The following MAGI2 variants were observed in gnomAD, a reference collection of about 807,000 sequenced individuals.
MAGI2 encodes membrane-associated guanylate kinase, WW and PDZ domain-containing protein 2.
In MAGI2, 35 loss-of-function variants were observed where a neutral mutation model predicts 133.3. The ratio of observed to expected loss-of-function variants is 0.26; its 90% CI spans 0.20 to 0.35. MAGI2 has a LOEUF of 0.35. Among genes scored for constraint, MAGI2 ranks in the 10% least tolerant of loss-of-function variants. The pLI is 1.00. For missense variants in MAGI2, 1,636 were observed against 1,863.4 expected, an observed-to-expected ratio of 0.88 and a Z score of 2.25; for synonymous variants, 729 against 710.6, an observed-to-expected ratio of 1.03 and a Z score of -0.41.
intron 1 of MAGI2, among the ~76,000 whole-genome samples, chr7:79,396,698 T>A (rs978645971): frequency 6.6e-6 from 1 of 152,008 alleles, no homozygotes; most frequent in Non-Finnish European, 1.5e-5. Context: ...AAAACTAAAC[T>A]CTCTGACACT....
At chr7:78,583,192 A>C (rs1442721600) in intron 3 of MAGI2, among the ~76,000 whole-genome samples, 2 of 152,188 alleles carry the variant, frequency 1.3e-5, no homozygotes, top group African/African-American at 4.8e-5. Context: ...TGACAGAGTA[A>C]ACATAAGCCT....
At chr7:79,028,801 C>T (rs1489711750) in intron 1 of MAGI2, among the ~76,000 whole-genome samples, 17 of 152,024 alleles carry the variant, frequency 1.1e-4, no homozygotes. Flanking sequence ...AGGGCTCAGA[C>T]ATTACTATAT....
chr7:78,313,370 T>C (rs1798884211), intron 9 of MAGI2, among the ~76,000 whole-genome samples: 1 of 152,034 alleles, frequency 6.6e-6, no homozygotes, highest in African/African-American at 2.4e-5. Flanking sequence ...AATTTCATCT[T>C]GGAGGAAAAA....
At chr7:79,324,711 ATATGTATATAAAATATATATATAT>A (rs1839548471) in intron 1 of MAGI2, among the ~76,000 whole-genome samples, 1 of 35,162 alleles carries the variant, frequency 2.8e-5, no homozygotes, top group African/African-American at 9.6e-5. Flanking sequence ...TATATATTAT[ATATGTATATAAAATATATATATAT>A]TATATATATA....
In MAGI2 at chr7:78,894,545, T is replaced by C. The variant is rs143013983; in HGVS notation, c.418+112545A>G. Among the ~76,000 whole-genome samples, 121 of 152,356 alleles carry C rather than the reference T, an allele frequency of 7.9e-4. 1 individual carries two copies. The highest frequency in any genetic ancestry group is 2.8e-3 in the African/African-American group (115 of 41,572). ...TATCTGTAAAACTGATGTCAAAGTT[T>C]ATAAGAATGATTAATGGTAACACAA... On this transcript the variant is annotated intron_variant, in intron 2 of 21. Coordinates refer to ENST00000354212, the MANE Select transcript of MAGI2 (RefSeq NM_012301.4).
chr7:79,052,086 A>G (rs1812725035), intron 1 of MAGI2, among the ~76,000 whole-genome samples: 2 of 152,196 alleles, frequency 1.3e-5, no homozygotes, highest in South Asian at 4.1e-4. Flanking sequence ...GAATGTGAGA[A>G]GCCAGAAAAA....
chr7:78,929,636 A>G (rs1203485639), intron 2 of MAGI2, among the ~76,000 whole-genome samples: 1 of 151,934 alleles, frequency 6.6e-6, no homozygotes, highest in Non-Finnish European at 1.5e-5. Context: ...TGCTTCCATC[A>G]TCACGTAGGC....
At chr7:78,745,945 G>A (rs1260947995) in intron 2 of MAGI2, among the ~76,000 whole-genome samples, 5 of 152,088 alleles carry the variant, frequency 3.3e-5, no homozygotes, top group East Asian at 1.9e-4. Flanking sequence ...AGAAAATACT[G>A]TCTTGTCAGG....
intron 21 of MAGI2, among the ~76,000 whole-genome samples, chr7:78,064,920 C>G (rs1036043923): frequency 5.3e-5 from 8 of 152,038 alleles, no homozygotes; most frequent in Non-Finnish European, 8.8e-5. Context: ...ATAGCCAACA[C>G]TTGAGAATAT....
At chr7:78,692,741 C>G (rs1042365498) in intron 2 of MAGI2, among the ~76,000 whole-genome samples, 7 of 152,102 alleles carry the variant, frequency 4.6e-5, no homozygotes, top group African/African-American at 1.7e-4. Context: ...AACGCATGCT[C>G]TAATCATTGA....
chr7:78,846,772 G>A (rs1159073718), intron 2 of MAGI2, among the ~76,000 whole-genome samples: 1 of 151,994 alleles, frequency 6.6e-6, no homozygotes, highest in Non-Finnish European at 1.5e-5. Flanking sequence ...CAAAACACTT[G>A]AGTGGTAGGG....
chr7:78,906,530 A>G (rs1798004786), intron 2 of MAGI2, among the ~76,000 whole-genome samples: 1 of 152,214 alleles, frequency 6.6e-6, no homozygotes, highest in South Asian at 2.1e-4. Flanking sequence ...GTGGAGAGGA[A>G]TCTCTACCAA....
chr7:79,363,605 T>C (rs2129125469), intron 1 of MAGI2, among the ~76,000 whole-genome samples: 1 of 151,204 alleles, frequency 6.6e-6, no homozygotes, highest in East Asian at 2.0e-4. Context: ...ATAAAATTGC[T>C]AGAAGGAAAC....
At chr7:78,279,940 A>G (rs1031332264) in intron 9 of MAGI2, among the ~76,000 whole-genome samples, 3 of 152,178 alleles carry the variant, frequency 2.0e-5, no homozygotes, top group Admixed American at 1.3e-4. Flanking sequence ...GGCATCCTCA[A>G]ACCCAGCAGC....
intron 1 of MAGI2, among the ~76,000 whole-genome samples, chr7:79,262,098 TA>T (rs1313831062): frequency 6.6e-6 from 1 of 152,134 alleles, no homozygotes; most frequent in Non-Finnish European, 1.5e-5. Context: ...ATCCCATCCT[TA>T]AAAAACCCCT....
rs146240797 is a variant in MAGI2, at chr7:78,319,195, C to CA, written c.1408+24582dup. Among the ~76,000 whole-genome samples, 487 of 152,294 alleles carry CA rather than the reference C, an allele frequency of 3.2e-3. 2 individuals carry two copies. The highest frequency in any genetic ancestry group is 0.011 in the African/African-American group (463 of 41,554). On this transcript the variant is annotated intron_variant, in intron 9 of 21. Transcript: ENST00000354212. ...GCAAATTCGATAAAGAGTCAAGACT[C>CA]ATCAGTGTGCTGTATTCAGGAGCCC...
At chr7:79,112,966 T>C in intron 1 of MAGI2, among the ~76,000 whole-genome samples, 1 of 152,190 alleles carries the variant, frequency 6.6e-6, no homozygotes, top group East Asian at 1.9e-4. Context: ...ACTTTAAACA[T>C]TGGGAACATT....
At chr7:78,085,559 C>T (rs1816541005) in intron 20 of MAGI2, among the ~76,000 whole-genome samples, 1 of 137,680 alleles carries the variant, frequency 7.3e-6, no homozygotes, top group South Asian at 2.2e-4. Context: ...CCCACACACA[C>T]ACACACACAC....
chr7:78,940,686 C>T (rs1800896156), intron 2 of MAGI2: 1 of 152,130 alleles, frequency 6.6e-6, no homozygotes, highest in Admixed American at 6.6e-5. Flanking sequence ...AAGTCATGAA[C>T]CTAAATGGCT....
Sources: allele counts gnomAD v4.1 joint callset (sites outside exome capture counted in the v4.1 genomes callset), GRCh38; gene constraint gnomAD v4.1.1; transcripts MANE v1.5; gene names NCBI Gene and HGNC (gene_info 2026-07-23, HGNC 2026-07-21).